Variants in DPP10 observed in about 807,000 individuals in gnomAD.
DPP10 encodes the protein inactive dipeptidyl peptidase 10.
In DPP10, 33 loss-of-function variants were observed where a neutral mutation model predicts 120.9. The ratio of observed to expected loss-of-function variants is 0.27; its 90% CI spans 0.21 to 0.37. The LOEUF (loss-of-function observed/expected upper bound fraction) is 0.37. Ranked by LOEUF, DPP10 falls within the 10% of genes least tolerant of loss-of-function variation. The pLI is 1.00. For synonymous variants in DPP10, 337 were observed against 326.1 expected (o/e 1.03, Z -0.36); for missense variants, 816 against 942.8 (o/e 0.87, Z 1.76).
At chr2:114,759,535 C>A (rs1432868505) in intron 1 of DPP10, among the ~76,000 whole-genome samples, 2 of 151,526 alleles carry the variant, frequency 1.3e-5, no homozygotes, top group Non-Finnish European at 2.9e-5. Context: ...GTGGCCACTG[C>A]TAAACTAAGG....
chr2:115,383,063 A>C (rs2066540465), intron 3 of DPP10, among the ~76,000 whole-genome samples: 1 of 152,332 alleles, frequency 6.6e-6, no homozygotes, highest in Admixed American at 6.5e-5. Flanking sequence ...TCTAGAAGGA[A>C]CACTATCAAA....
intron 5 of DPP10, chr2:115,579,289 T>G (rs952725641): frequency 5.9e-5 from 9 of 152,198 alleles, no homozygotes; most frequent in Non-Finnish European, 1.3e-4. Flanking sequence ...CACACAGATG[T>G]GACAACTGCC....
At chr2:115,808,239 C>T (rs974716097) in intron 19 of DPP10, among the ~76,000 whole-genome samples, 2 of 152,112 alleles carry the variant, frequency 1.3e-5, no homozygotes, top group African/African-American at 4.8e-5. Context: ...GACATAAAGA[C>T]TACTAGAATA....
chr2:115,578,863 T>C (rs550085146), intron 5 of DPP10, among the ~76,000 whole-genome samples: 1 of 152,186 alleles, frequency 6.6e-6, no homozygotes, highest in Non-Finnish European at 1.5e-5. Context: ...CAAACTTGAA[T>C]GGCTTTAAGA....
At chr2:114,633,248 C>CTTTTTTTTTTTTT (rs35372708) in intron 1 of DPP10, among the ~76,000 whole-genome samples, 2 of 72,810 alleles carry the variant, frequency 2.7e-5, no homozygotes, top group Admixed American at 3.3e-4. Flanking sequence ...GTTTTTCTTT[C>CTTTTTTTTTTTTT]TTTTTTTTTT....
chr2:115,356,835 T>C (rs1374001387), intron 3 of DPP10, among the ~76,000 whole-genome samples: 1 of 152,176 alleles, frequency 6.6e-6, no homozygotes, highest in Admixed American at 6.5e-5. Context: ...AATGAACATA[T>C]GGGTGTCTTC....
chr2:115,383,527 C>G (rs1400987209), intron 3 of DPP10, among the ~76,000 whole-genome samples: 2 of 152,070 alleles, frequency 1.3e-5, no homozygotes, highest in African/African-American at 2.4e-5. Flanking sequence ...GTTAGATGAC[C>G]CAGAAATCCT....
intron 1 of DPP10, among the ~76,000 whole-genome samples, chr2:115,148,404 G>A (rs895432375): frequency 6.6e-6 from 1 of 152,116 alleles, no homozygotes; most frequent in African/African-American, 2.4e-5. Context: ...AACTTCTTGA[G>A]TTTGTCTTGG....
intron 1 of DPP10, among the ~76,000 whole-genome samples, chr2:114,621,656 C>T (rs1694101746): frequency 6.6e-6 from 1 of 151,916 alleles, no homozygotes; most frequent in Non-Finnish European, 1.5e-5. Flanking sequence ...TCCGAGCACC[C>T]TTATAGTTTC....
At chr2:115,271,405 C>T (rs2059692780) in intron 1 of DPP10, among the ~76,000 whole-genome samples, 2 of 152,170 alleles carry the variant, frequency 1.3e-5, no homozygotes, top group African/African-American at 2.4e-5. Flanking sequence ...TTTAAAGTCA[C>T]ACAAGGGATC....
intron 1 of DPP10, among the ~76,000 whole-genome samples, chr2:114,509,981 T>C (rs1683998335): frequency 6.6e-6 from 1 of 152,152 alleles, no homozygotes; most frequent in Non-Finnish European, 1.5e-5. Context: ...GAGTGAATCG[T>C]GGTGGGAAAG....
At chr2:114,505,487 A>G (rs1372715222) in intron 1 of DPP10, among the ~76,000 whole-genome samples, 1 of 151,368 alleles carries the variant, frequency 6.6e-6, no homozygotes, top group Non-Finnish European at 1.5e-5. Context: ...GCCCATTTTT[A>G]GGTAGCAAAG....
At chr2:115,163,448 T>G (rs2052592144) in intron 1 of DPP10, among the ~76,000 whole-genome samples, 1 of 152,222 alleles carries the variant, frequency 6.6e-6, no homozygotes, top group Non-Finnish European at 1.5e-5. Context: ...TGTTGGCAGT[T>G]CTTACAAAGC....
At chr2:114,794,114 C>G (rs1680320051) in intron 1 of DPP10, among the ~76,000 whole-genome samples, 1 of 152,130 alleles carries the variant, frequency 6.6e-6, no homozygotes, top group Non-Finnish European at 1.5e-5. Flanking sequence ...TTATGTTTTA[C>G]TTTTGGATTT....
intron 1 of DPP10, among the ~76,000 whole-genome samples, chr2:114,483,633 A>T (rs7592924): frequency 0.11 from 17,294 of 152,006 alleles, 2,520 homozygotes; most frequent in African/African-American, 0.34. Context: ...CAATATATAT[A>T]TTTTTGTCAT....
chr2:114,828,744 A>T (rs1180800727), intron 1 of DPP10: 2 of 152,256 alleles, frequency 1.3e-5, no homozygotes, highest in African/African-American at 4.8e-5. Flanking sequence ...GTATTTGCAG[A>T]GAAGTTAGTC....
At chr2:115,369,828 C>G (rs116634117) in intron 3 of DPP10, among the ~76,000 whole-genome samples, 1 of 152,038 alleles carries the variant, frequency 6.6e-6, no homozygotes, top group African/African-American at 2.4e-5. Flanking sequence ...TTTCTCTCTT[C>G]TATGATTCAA....
chr2:115,085,561 A>G (rs1475670548), intron 1 of DPP10, among the ~76,000 whole-genome samples: 1 of 152,182 alleles, frequency 6.6e-6, no homozygotes, highest in Non-Finnish European at 1.5e-5. Context: ...ATAAAATAAC[A>G]CTTTTGAAAA....
chr2:115,330,505 T>C (rs1334953674), intron 2 of DPP10, among the ~76,000 whole-genome samples: 1 of 151,964 alleles, frequency 6.6e-6, no homozygotes, highest in African/African-American at 2.4e-5. Context: ...ATGAAGTCCT[T>C]GCCCATGCCT....
Sources: allele counts gnomAD v4.1 joint callset (sites outside exome capture counted in the v4.1 genomes callset), GRCh38; gene constraint gnomAD v4.1.1; transcripts MANE v1.5; gene names NCBI Gene and HGNC (gene_info 2026-07-23, HGNC 2026-07-21).